Variants in SEL1L3 observed in about 807,000 individuals in gnomAD.
The protein encoded by SEL1L3 is SEL1L family member 3, also known as protein sel-1 homolog 3.
Under a neutral mutation model 142.8 loss-of-function variants are expected in SEL1L3, and 76 were observed. The observed-to-expected ratio is 0.53, with a 90% CI of 0.44 to 0.64. SEL1L3 has a LOEUF of 0.64. Among genes scored for constraint, SEL1L3 ranks in the 30% least tolerant of loss-of-function variants. The pLI, the probability that SEL1L3 is intolerant of heterozygous loss-of-function variation, is 0.00. For missense variants in SEL1L3, 1,262 were observed against 1,381.7 expected (o/e 0.91, Z 1.37); for synonymous variants, 504 against 519.6 (o/e 0.97, Z 0.41).
intron 17 of SEL1L3, among the ~76,000 whole-genome samples, chr4:25,774,096 G>A (rs746901266): frequency 3.3e-5 from 5 of 152,190 alleles, no homozygotes; most frequent in Non-Finnish European, 7.3e-5. Context: ...AACTGGGATA[G>A]AAGTTATCAG....
At chr4:25,805,107 A>G (rs1713464955) in intron 9 of SEL1L3, among the ~76,000 whole-genome samples, 1 of 152,198 alleles carries the variant, frequency 6.6e-6, no homozygotes, top group Non-Finnish European at 1.5e-5. Context: ...AAGACTCCCT[A>G]AAGAAGAATG....
At chr4:25,732,278 GA>G in the SEL1L3 span, among the ~76,000 whole-genome samples, 1 of 152,144 alleles carries the variant, frequency 6.6e-6, no homozygotes, top group Non-Finnish European at 1.5e-5. Context: ...GGATAAATAA[GA>G]AGTAATTTTT....
intron 11 of SEL1L3, among the ~76,000 whole-genome samples, chr4:25,793,104 G>A (rs962196378): frequency 1.3e-5 from 2 of 152,200 alleles, no homozygotes; most frequent in Non-Finnish European, 2.9e-5. Context: ...TTTCACATAT[G>A]TGGAAACGGA....
intron 6 of SEL1L3, among the ~76,000 whole-genome samples, chr4:25,828,343 G>A (rs1715223227): frequency 6.6e-6 from 1 of 150,418 alleles, no homozygotes; most frequent in African/African-American, 2.4e-5. Context: ...TGATTTAGAA[G>A]CTCTGGAGCA....
intron 5 of SEL1L3, 87 bp downstream of exon 5, chr4:25,832,908 G>T: frequency 1.2e-6 from 1 of 808,364 alleles, no homozygotes; most frequent in South Asian, 1.6e-5. Flanking sequence ...TGCTTTTGCA[G>T]ATTTTGTTGC....
Position 25,788,468 on chromosome 4 carries a change from G to T in SEL1L3, c.2077-104C>A. ...AACCTACTTTACGATGTTTTAGATT[G>T]AGAACCAAGGATTAGATACACTTTA... On this transcript the variant is annotated intron_variant, in intron 12 of 23. Coordinates refer to ENST00000399878, the MANE Select transcript of SEL1L3 (RefSeq NM_015187.5). The surrounding 1 kb of genome is among the most constrained non-coding windows in gnomAD (Gnocchi z 5.3). 1 of 1,182,768 alleles carries T rather than the reference G, an allele frequency of 8.5e-7. No homozygotes were observed. The highest frequency in any genetic ancestry group is 1.2e-6 in the Non-Finnish European group (1 of 837,686). 73.3% of individuals were successfully genotyped at this position (1,182,768 alleles called of 1,614,324 possible).
chr4:25,721,645 A>G, the SEL1L3 span, among the ~76,000 whole-genome samples: 5 of 152,226 alleles, frequency 3.3e-5, no homozygotes, highest in African/African-American at 9.6e-5. Flanking sequence ...TGACAAAAGT[A>G]CATAACTGTT....
At chr4:25,776,201 T>C in intron 17 of SEL1L3, 76 bp downstream of exon 17, 1 of 920,786 alleles carries the variant, frequency 1.1e-6, no homozygotes, top group Non-Finnish European at 1.7e-6. Context: ...CTCAGTTGCA[T>C]TTTAAGACTC....
chr4:25,838,572 G>A (rs914388281), intron 2 of SEL1L3, among the ~76,000 whole-genome samples: 1 of 152,136 alleles, frequency 6.6e-6, no homozygotes, highest in Non-Finnish European at 1.5e-5. Context: ...TGACCTGTGC[G>A]GATATACTGG....
At chr4:25,845,031 A>C (rs939911497) in intron 2 of SEL1L3, among the ~76,000 whole-genome samples, 3 of 150,044 alleles carry the variant, frequency 2.0e-5, no homozygotes, top group African/African-American at 7.4e-5. Context: ...AAAATTGTAT[A>C]GATCTACACA....
chr4:25,745,911 G>A (rs1717247297), downstream of SEL1L3, among the ~76,000 whole-genome samples: 1 of 152,234 alleles, frequency 6.6e-6, no homozygotes, highest in Non-Finnish European at 1.5e-5. Context: ...TGTTTGCCAT[G>A]GAGAGAGGAT....
At chr4:25,756,146 C>A (rs143172106) in intron 23 of SEL1L3, 2 of 985,418 alleles carry the variant, frequency 2.0e-6, no homozygotes, top group Non-Finnish European at 2.4e-6. Flanking sequence ...ATAACAGCTA[C>A]GCAAATGCTC....
intron 6 of SEL1L3, 124 bp downstream of exon 6, chr4:25,829,974 T>G: frequency 1.5e-6 from 1 of 679,784 alleles, no homozygotes; most frequent in Non-Finnish European, 2.6e-6. Context: ...GGGCAGAGAA[T>G]AATCCATGCT....
intron 2 of SEL1L3, among the ~76,000 whole-genome samples, chr4:25,836,346 G>A (rs1176211569): frequency 6.6e-6 from 1 of 152,010 alleles, no homozygotes; most frequent in African/African-American, 2.4e-5. Context: ...CTCAACCTAG[G>A]AATAAGAATA....
intron 1 of SEL1L3, among the ~76,000 whole-genome samples, chr4:25,852,776 T>C (rs1421746422): frequency 6.6e-6 from 1 of 152,208 alleles, no homozygotes; most frequent in Non-Finnish European, 1.5e-5. Flanking sequence ...ATTCCTTTCA[T>C]GTATACCTTA....
At chr4:25,782,550 G>A in intron 14 of SEL1L3, 132 bp from the exon 15 acceptor site, 1 of 781,694 alleles carries the variant, frequency 1.3e-6, no homozygotes, top group Non-Finnish European at 2.0e-6. Flanking sequence ...GGAGCAGATG[G>A]CATTAAAGAA....
chr4:25,750,852 C>T (rs1485836971), intron 23 of SEL1L3, among the ~76,000 whole-genome samples: 3 of 152,138 alleles, frequency 2.0e-5, no homozygotes, highest in Non-Finnish European at 2.9e-5. Context: ...ATTAGGCTAA[C>T]CACTTAGCTG....
At chr4:25,764,922 G>A (rs917149954) in intron 20 of SEL1L3, among the ~76,000 whole-genome samples, 7 of 152,190 alleles carry the variant, frequency 4.6e-5, no homozygotes, top group African/African-American at 1.7e-4. Context: ...TTTGTAAACT[G>A]TGTAGTGTAT....
chr4:25,839,203 T>C (rs1445693761), intron 2 of SEL1L3, among the ~76,000 whole-genome samples: 1 of 152,186 alleles, frequency 6.6e-6, no homozygotes, highest in Non-Finnish European at 1.5e-5. Context: ...AGTCTGAGAA[T>C]AAAAACTCGA....
Sources: allele counts gnomAD v4.1 joint callset (sites outside exome capture counted in the v4.1 genomes callset), GRCh38; gene constraint gnomAD v4.1.1; non-coding constraint Gnocchi (gnomAD v3.1); transcripts MANE v1.5; gene names NCBI Gene and HGNC (gene_info 2026-07-23, HGNC 2026-07-21).